SEMA5B: variants seen among roughly 807,000 people sequenced by gnomAD.
The protein encoded by SEMA5B is semaphorin-5B.
Under a neutral mutation model 135.0 loss-of-function variants are expected in SEMA5B, and 66 were observed. The ratio of observed to expected loss-of-function variants is 0.49; its 90% CI spans 0.40 to 0.60. SEMA5B has a LOEUF of 0.60. Ranked by LOEUF, SEMA5B falls within the 20% of genes least tolerant of loss-of-function variation. The probability of loss-of-function intolerance (pLI) is 0.00; values close to 1 mark genes in which losing one functional copy is unlikely to be tolerated. For synonymous variants in SEMA5B, 690 were observed against 639.5 expected, an observed-to-expected ratio of 1.08 and a Z score of -1.19; for missense variants, 1,501 against 1,566.3, an observed-to-expected ratio of 0.96 and a Z score of 0.70.
chr3:122,943,575 C>T (rs1356159920), intron 3 of SEMA5B, 40 bp from the exon 4 acceptor site: 1 of 1,406,086 alleles, frequency 7.1e-7, no homozygotes, highest in Admixed American at 1.9e-5. Flanking sequence ...ACTGTTGGGC[C>T]AGAGGCTCCC....
chr3:122,939,171 T>A (rs1383145848), intron 5 of SEMA5B, among the ~76,000 whole-genome samples: 1 of 152,254 alleles, frequency 6.6e-6, no homozygotes, highest in Non-Finnish European at 1.5e-5. Flanking sequence ...TCTCCCTTCC[T>A]CATTAGCAGC....
In SEMA5B at chr3:123,014,711, G is replaced by A. The variant is rs145132141; in HGVS notation, c.-39+12753C>T. On this transcript the variant is annotated intron_variant, in intron 1 of 22. Transcript: ENST00000357599. Reference sequence around the variant, plus strand: ...ACGTTGGCTGACAGAGGCAGGATCCGAAATATCTTCATCAGCTGGAAAGGT... The same window carrying A: ...ACGTTGGCTGACAGAGGCAGGATCCAAAATATCTTCATCAGCTGGAAAGGT... Among the ~76,000 whole-genome samples, 603 of 152,316 alleles carry A rather than the reference G, an allele frequency of 4.0e-3. 8 individuals are homozygous for A. Among genetic ancestry groups the A allele is most frequent in the African/African-American group, 0.011 (444 of 41,564 alleles).
At position 122,909,925 on chromosome 3, in the gene SEMA5B, G is replaced by C. The variant is rs1937610089; in HGVS notation, c.*218C>G. 2 of 565,000 alleles carry C rather than the reference G, an allele frequency of 3.5e-6. No homozygotes were observed. The highest frequency in any genetic ancestry group is 6.3e-6 in the Non-Finnish European group (2 of 317,414). The allele number at this position is 565,000 out of a possible 1,614,324, so 35.0% of individuals were successfully genotyped here. A position where few individuals can be genotyped will look rare whatever the true frequency, so the allele number is the denominator to read the frequency against. On this transcript the variant is annotated 3_prime_UTR_variant, in exon 23 of 23. Coordinates refer to ENST00000357599, the MANE Select transcript of SEMA5B (RefSeq NM_001031702.4). ...AAGATAACCATGAGAGACCTGGGCT[G>C]AACTGGACCTGCGGCCATATGTCAG...
intron 11 of SEMA5B, 37 bp downstream of exon 11, chr3:122,922,203 C>G: frequency 6.3e-7 from 1 of 1,588,344 alleles, no homozygotes; most frequent in Non-Finnish European, 8.6e-7. Flanking sequence ...TCAACCCACC[C>G]CCGACCTGCA....
Position 122,912,258 on chromosome 3 carries a change from C to T in SEMA5B, c.2810G>A (p.Cys937Tyr), listed in dbSNP as rs1937769309. 1.2e-6 allele frequency: 2 copies of T among 1,612,030 alleles called. No homozygotes were observed. Among genetic ancestry groups the T allele is most frequent in the South Asian group, 1.1e-5 (1 of 90,668 alleles). The change falls in exon 19 of 23, where the codon TGC (cysteine) becomes TAC (tyrosine). Residue 937 changes from cysteine to tyrosine, a missense_variant. Physicochemically the swap from Cys to Tyr is radical, Grantham distance 194 (BLOSUM62 -2). This residue lies in a region of SEMA5B where 927 missense variants were observed against 881.6 expected (regional missense o/e 1.05). Transcript: ENST00000357599. ...ACCTGGGGAGGGTGCGGGGCTGGTG[C>T]AGGAACGGGTGCGTTGATAGTGACC... ...GGGHYQRTRS[C>Y]TSPAPSPGED... is the part of the protein sequence containing the mutation.
intron 12 of SEMA5B, among the ~76,000 whole-genome samples, chr3:122,921,222 G>A (rs752893510): frequency 2.0e-5 from 3 of 152,222 alleles, no homozygotes; most frequent in Non-Finnish European, 4.4e-5. Flanking sequence ...TGAAAATGAG[G>A]CCATGCAGCC....
intron 1 of SEMA5B, among the ~76,000 whole-genome samples, chr3:122,972,985 G>A (rs1233573763): frequency 6.6e-6 from 1 of 152,196 alleles, no homozygotes; most frequent in African/African-American, 2.4e-5. Context: ...CCCAGCCACT[G>A]GGAGCTGGGA....
intron 1 of SEMA5B, among the ~76,000 whole-genome samples, chr3:122,980,247 G>A (rs1212585041): frequency 6.6e-6 from 1 of 151,996 alleles, no homozygotes; most frequent in Non-Finnish European, 1.5e-5. Context: ...GATCAACTGA[G>A]GTTGGGAGTT....
intron 8 of SEMA5B, 81 bp downstream of exon 8, chr3:122,927,709 G>T: frequency 1.9e-6 from 2 of 1,065,916 alleles, no homozygotes; most frequent in Non-Finnish European, 2.5e-6. Context: ...TGGCAGGAAG[G>T]AGGATGAATG....
chr3:122,948,586 C>CT lies in SEMA5B; in HGVS notation c.247dup (p.Ser83LysfsTer8), dbSNP rs1214337283. ...GGGCTCACTGGAGACATCCTGGGAG[C>CT]TGGAGAGGTGGGACACCAGCAGTGT... On this transcript the variant is annotated frameshift_variant, in exon 3 of 23. Transcript: ENST00000357599. LOFTEE classifies it high-confidence loss of function. 4 of 1,614,002 alleles carry CT rather than the reference C, an allele frequency of 2.5e-6. No individual in the cohort carries two copies. Among genetic ancestry groups the CT allele is most frequent in the Non-Finnish European group, 2.5e-6 (3 of 1,179,930 alleles).
chr3:122,979,251 A>G (rs186624816), intron 1 of SEMA5B, among the ~76,000 whole-genome samples: 20 of 152,248 alleles, frequency 1.3e-4, no homozygotes, highest in African/African-American at 4.1e-4. Context: ...CGCCGAGGAG[A>G]ACATTCAGGA....
At chr3:123,002,461 G>C (rs1205541646) in intron 1 of SEMA5B, among the ~76,000 whole-genome samples, 1 of 152,254 alleles carries the variant, frequency 6.6e-6, no homozygotes, top group African/African-American at 2.4e-5. Context: ...AAGCTTGCAA[G>C]AGCAGCAGAC....
intron 3 of SEMA5B, among the ~76,000 whole-genome samples, chr3:122,946,021 G>A (rs1272876313): frequency 6.6e-6 from 1 of 152,144 alleles, no homozygotes; most frequent in African/African-American, 2.4e-5. Context: ...GGGACCAGAG[G>A]GAAGGCTGTC....
intron 12 of SEMA5B, among the ~76,000 whole-genome samples, chr3:122,920,366 C>T (rs1240782676): frequency 6.6e-6 from 1 of 152,198 alleles, no homozygotes; most frequent in African/African-American, 2.4e-5. Flanking sequence ...AATACTGAGA[C>T]ACTGGGTTTG....
intron 1 of SEMA5B, among the ~76,000 whole-genome samples, chr3:122,976,826 G>T (rs1453286057): frequency 2.6e-5 from 4 of 152,206 alleles, no homozygotes; most frequent in African/African-American, 9.6e-5. Context: ...AAGGCGGGCA[G>T]ATCACTTGAG....
chr3:122,984,472 C>T (rs1474512865), intron 1 of SEMA5B, among the ~76,000 whole-genome samples: 1 of 152,204 alleles, frequency 6.6e-6, no homozygotes, highest in Non-Finnish European at 1.5e-5. Flanking sequence ...TCTTCACGTC[C>T]GTCTGTGGCT....
At chr3:123,004,587 A>T (rs1405894828) in intron 1 of SEMA5B, among the ~76,000 whole-genome samples, 2 of 152,232 alleles carry the variant, frequency 1.3e-5, no homozygotes, top group Admixed American at 1.3e-4. Flanking sequence ...TAAAGAGGCC[A>T]ATCTAAAGTG....
intron 1 of SEMA5B, among the ~76,000 whole-genome samples, chr3:122,997,527 C>G (rs137940720): frequency 0.022 from 3,293 of 151,906 alleles, 437 homozygotes; most frequent in Admixed American, 0.2. Flanking sequence ...CTCCCCCCCC[C>G]GTCTCCACCA....
chr3:122,975,729 C>T lies in SEMA5B; in HGVS notation c.-38-14428G>A, dbSNP rs145098472. ...CGCTCACAATAGCCTCCTAAGTACG[C>T]TTCCTATCTTTCATCTCTCCTCTCC... On this transcript the variant is annotated intron_variant, in intron 1 of 22. Coordinates refer to ENST00000357599, the MANE Select transcript of SEMA5B (RefSeq NM_001031702.4). Among the ~76,000 whole-genome samples, 778 of 152,210 alleles carry T rather than the reference C, an allele frequency of 5.1e-3. 8 individuals are homozygous for T. The highest frequency in any genetic ancestry group is 0.018 in the African/African-American group (728 of 41,530).
Sources: allele counts gnomAD v4.1 joint callset (sites outside exome capture counted in the v4.1 genomes callset), GRCh38; gene constraint gnomAD v4.1.1; regional missense constraint gnomAD v4.1.1; transcripts MANE v1.5; gene names NCBI Gene and HGNC (gene_info 2026-07-23, HGNC 2026-07-21).